The following CDC42SE1 variants were observed in gnomAD, a reference collection of about 807,000 sequenced individuals.
CDC42SE1 encodes the protein CDC42 small effector protein 1.
In CDC42SE1, 10 loss-of-function variants were observed where a neutral mutation model predicts 10.9. That is an observed-to-expected ratio of 0.92 (90% CI 0.57 to 1.56). The LOEUF (loss-of-function observed/expected upper bound fraction) is 1.56. Ranked by LOEUF, CDC42SE1 falls within the 40% of genes most tolerant of loss-of-function variation. CDC42SE1 has a pLI of 0.00. For synonymous variants in CDC42SE1, 24 were observed against 32.0 expected, an observed-to-expected ratio of 0.75 and a Z score of 0.85; for missense variants, 81 against 100.8, an observed-to-expected ratio of 0.80 and a Z score of 0.84.
chr1:151,051,830 T>G lies in CDC42SE1; in HGVS notation c.*1514A>C, dbSNP rs1676188628. The G allele has an allele frequency of 6.6e-6, 1 of 152,522 alleles. No homozygotes were observed. The highest frequency in any genetic ancestry group is 1.5e-5 in the Non-Finnish European group (1 of 68,026). 9.4% of individuals were successfully genotyped at this position (152,522 alleles called of 1,614,324 possible). A position where few individuals can be genotyped will look rare whatever the true frequency, so the allele number is the denominator to read the frequency against. On this transcript the variant is annotated 3_prime_UTR_variant, in exon 5 of 5. Transcript: ENST00000357235. ...GAGGATAAGGAGTGTATCTACTGCT[T>G]CTCTCTCCCCTTTCCCCAATCCTAC...
chr1:151,057,145 A>C lies in CDC42SE1; in HGVS notation c.-263-1152T>G, dbSNP rs1676294254. Among the ~76,000 whole-genome samples the C allele has an allele frequency of 1.3e-5, 2 of 152,242 alleles. No homozygotes were observed. The highest frequency in any genetic ancestry group is 4.8e-5 in the African/African-American group (2 of 41,462). On this transcript the variant is annotated intron_variant, in intron 1 of 4. Coordinates refer to ENST00000357235, the MANE Select transcript of CDC42SE1 (RefSeq NM_020239.4). The surrounding 1 kb of genome is among the most constrained non-coding windows in gnomAD (Gnocchi z 4.0). ...AGATTCCAAAAAGGGCAGTTTCATAAATATGACACTTTAACATGAACAGGA... is the reference window on the plus strand; with the variant it reads ...AGATTCCAAAAAGGGCAGTTTCATACATATGACACTTTAACATGAACAGGA...
At position 151,051,406 on chromosome 1, in the gene CDC42SE1, A is replaced by AG. The variant is rs929134890; in HGVS notation, c.*1937_*1938insC. 2.0e-5 allele frequency: 3 copies of AG among 148,354 alleles called. No homozygotes were observed. The highest frequency in any genetic ancestry group is 4.5e-5 in the Non-Finnish European group (3 of 66,954). The allele number at this position is 148,354 out of a possible 1,614,324, so 9.2% of individuals were successfully genotyped here. On this transcript the variant is annotated 3_prime_UTR_variant, in exon 5 of 5. Transcript: ENST00000357235. The stretch of plus-strand genomic sequence containing the variant: ...ACATGGAAATTTGAAAAAAAAAAAA[A>AG]AAAAAAAAAAAAAAGAACCTCAGTC...
At position 151,057,244 on chromosome 1, in the gene CDC42SE1, G is replaced by A. The variant is rs781354778; in HGVS notation, c.-263-1251C>T. On this transcript the variant is annotated intron_variant, in intron 1 of 4. Coordinates refer to ENST00000357235, the MANE Select transcript of CDC42SE1 (RefSeq NM_020239.4). This position sits in a 1 kb window ranked among gnomAD's most constrained non-coding sequence, Gnocchi z 4.0. The stretch of plus-strand genomic sequence containing the variant: ...CTGATTTAAAAACAAGAGATAGGCC[G>A]GGCGTGGTGGCTCACGCCTGTAATC... Among the ~76,000 whole-genome samples, 4 of 152,194 alleles carry A rather than the reference G, an allele frequency of 2.6e-5. No homozygotes were observed. The highest frequency in any genetic ancestry group is 5.9e-5 in the Non-Finnish European group (4 of 68,026).
At chr1:151,059,298 C>G (rs587742024) in intron 1 of CDC42SE1, 181 bp downstream of exon 1, 2 of 152,620 alleles carry the variant, frequency 1.3e-5, no homozygotes, top group African/African-American at 4.8e-5. Flanking sequence ...TCAGCGGCCT[C>G]AGCCTGCGCA....
At chr1:151,056,370 C>T (rs774233764) in intron 1 of CDC42SE1, among the ~76,000 whole-genome samples, 4 of 152,148 alleles carry the variant, frequency 2.6e-5, no homozygotes, top group Non-Finnish European at 5.9e-5. Flanking sequence ...ATTTAAGTGA[C>T]TCTGAAGAGG....
In CDC42SE1 at chr1:151,051,041, A is replaced by G. The variant is rs1676166377; in HGVS notation, c.*2303T>C. The G allele has an allele frequency of 6.6e-6, 1 of 152,304 alleles. No homozygotes were observed. Among genetic ancestry groups the G allele is most frequent in the Admixed American group, 6.5e-5 (1 of 15,288 alleles). 9.4% of individuals were successfully genotyped at this position (152,304 alleles called of 1,614,324 possible). A position where few individuals can be genotyped will look rare whatever the true frequency, so the allele number is the denominator to read the frequency against. On this transcript the variant is annotated 3_prime_UTR_variant, in exon 5 of 5. Coordinates refer to ENST00000357235, the MANE Select transcript of CDC42SE1 (RefSeq NM_020239.4). ...TTTAAAAGTCCAACAACTTTTTAAT[A>G]TAAATTACGACTCTCAAACCCATTC...
At chr1:151,055,240 G>T (rs1676258055) in intron 2 of CDC42SE1, 114 bp from the exon 3 acceptor site, 2 of 752,130 alleles carry the variant, frequency 2.7e-6, no homozygotes, top group East Asian at 2.5e-5. Flanking sequence ...GGGAAGAGGG[G>T]ATGTGGCATT....
chr1:151,055,250 T>G, intron 2 of CDC42SE1, 124 bp from the exon 3 acceptor site: 1 of 701,806 alleles, frequency 1.4e-6, no homozygotes, highest in Non-Finnish European at 2.5e-6. Context: ...GATGTGGCAT[T>G]TTAACAGGGA....
chr1:151,055,789 G>T lies in CDC42SE1; in HGVS notation c.-59C>A. ...TGAGGCCCCAAAGGGCTCTTTCCCT[G>T]GTGTTTGGACAACCCACTCCTCACT... is the stretch of plus-strand genomic sequence containing the variant. On this transcript the variant is annotated 5_prime_UTR_variant, in exon 2 of 5. Coordinates refer to ENST00000357235, the MANE Select transcript of CDC42SE1 (RefSeq NM_020239.4). 6.9e-7 allele frequency: 1 copy of T among 1,446,816 alleles called. No individual in the cohort carries two copies. The highest frequency in any genetic ancestry group is 9.6e-7 in the Non-Finnish European group (1 of 1,036,706). The allele number at this position is 1,446,816 out of a possible 1,614,324, so 89.6% of individuals were successfully genotyped here.
At chr1:151,055,582 C>A in intron 2 of CDC42SE1, 95 bp downstream of exon 2, 2 of 1,054,972 alleles carry the variant, frequency 1.9e-6, no homozygotes, top group East Asian at 2.6e-5. Context: ...AAGAAGTGTG[C>A]TTTTTTAGAT....
intron 2 of CDC42SE1, 112 bp downstream of exon 2, chr1:151,055,565 G>A: frequency 1.2e-6 from 1 of 854,972 alleles, no homozygotes. Context: ...CTGACACAGA[G>A]GGAGGCAAGA....
rs1025578896 is a variant in CDC42SE1, at chr1:151,052,065, G to A, written c.*1279C>T. 5 of 152,144 alleles carry A rather than the reference G, an allele frequency of 3.3e-5. No individual in the cohort carries two copies. Among genetic ancestry groups the A allele is most frequent in the Non-Finnish European group, 7.3e-5 (5 of 68,030 alleles). The allele number at this position is 152,144 out of a possible 1,614,324, so 9.4% of individuals were successfully genotyped here. The stretch of plus-strand genomic sequence containing the variant: ...GGGCTTAAGATGAGTAAGATGATGA[G>A]GGTAGCGTGCCAAGCAGAAATCACT... On this transcript the variant is annotated 3_prime_UTR_variant, in exon 5 of 5. Coordinates refer to ENST00000357235, the MANE Select transcript of CDC42SE1 (RefSeq NM_020239.4).
At chr1:151,054,195 G>A (rs945362650) in intron 4 of CDC42SE1, 36 bp downstream of exon 4, 2 of 1,299,976 alleles carry the variant, frequency 1.5e-6, no homozygotes, top group African/African-American at 1.5e-5. Flanking sequence ...CTGTTATGGG[G>A]GCTGAGGTGT....
Position 151,053,166 on chromosome 1 carries a change from G to A in CDC42SE1, c.*178C>T, listed in dbSNP as rs1676215138. 1 of 152,792 alleles carries A rather than the reference G, an allele frequency of 6.5e-6. No individual in the cohort carries two copies. The highest frequency in any genetic ancestry group is 2.4e-5 in the African/African-American group (1 of 41,426). The allele number at this position is 152,792 out of a possible 1,614,324, so 9.5% of individuals were successfully genotyped here. A position where few individuals can be genotyped will look rare whatever the true frequency, so the allele number is the denominator to read the frequency against. ...TGACCCCATCTCCAGGAGGGGCTAT[G>A]GCCAGAGGGAGTAGAGGGAGTCCAG... On this transcript the variant is annotated 3_prime_UTR_variant, in exon 5 of 5. Transcript: ENST00000357235.
rs1398383660 is a variant in CDC42SE1, at chr1:151,057,379, T to A, written c.-263-1386A>T. On this transcript the variant is annotated intron_variant, in intron 1 of 4. Transcript: ENST00000357235. This position sits in a 1 kb window ranked among gnomAD's most constrained non-coding sequence, Gnocchi z 4.0. ...TCTGCTAAAAATACAAAAGATTAGC[T>A]GGGCGTGGTGGCGGATGCCTGTAAT... Among the ~76,000 whole-genome samples the A allele has an allele frequency of 6.6e-6, 1 of 152,018 alleles. No individual in the cohort carries two copies. The highest frequency in any genetic ancestry group is 2.4e-5 in the African/African-American group (1 of 41,388).
intron 3 of CDC42SE1, among the ~76,000 whole-genome samples, 182 bp downstream of exon 3, chr1:151,054,834 A>C (rs1222466820): frequency 6.6e-6 from 1 of 152,116 alleles, no homozygotes; most frequent in Non-Finnish European, 1.5e-5. Flanking sequence ...AAGATGAGAG[A>C]ACCTAGGCCC....
At chr1:151,054,387 G>A in intron 3 of CDC42SE1, 66 bp from the exon 4 acceptor site, 1 of 1,289,612 alleles carries the variant, frequency 7.8e-7, no homozygotes, top group Non-Finnish European at 1.1e-6. Flanking sequence ...ACTCTACTTT[G>A]TGCCTTCCAG....
intron 1 of CDC42SE1, chr1:151,058,205 C>G (rs1237051840): frequency 6.5e-6 from 1 of 152,724 alleles, no homozygotes; most frequent in Non-Finnish European, 1.5e-5. Context: ...CTGACCAGAG[C>G]TGGGTGGAGG....
chr1:151,059,272 CT>C, intron 1 of CDC42SE1: 1 of 151,900 alleles, frequency 6.6e-6, no homozygotes, highest in Non-Finnish European at 1.5e-5. Context: ...CCAGTTCCTT[CT>C]TTTCCTTCTA....
Sources: allele counts gnomAD v4.1 joint callset (sites outside exome capture counted in the v4.1 genomes callset), GRCh38; gene constraint gnomAD v4.1.1; non-coding constraint Gnocchi (gnomAD v3.1); transcripts MANE v1.5; gene names NCBI Gene and HGNC (gene_info 2026-07-23, HGNC 2026-07-21).